Variants in HCN1 observed in about 807,000 individuals in gnomAD.
The protein encoded by HCN1 is potassium/sodium hyperpolarization-activated cyclic nucleotide-gated channel 1.
In HCN1, 13 loss-of-function variants were observed where a neutral mutation model predicts 78.9. The ratio of observed to expected loss-of-function variants is 0.16; its 90% confidence interval spans 0.11 to 0.26. The LOEUF (loss-of-function observed/expected upper bound fraction) is 0.26, where lower values mean the gene tolerates loss of function less well. Among genes scored for constraint, HCN1 ranks in the 10% least tolerant of loss-of-function variants. The pLI is 1.00. For synonymous variants in HCN1, 552 were observed against 455.5 expected, an observed-to-expected ratio of 1.21 and a Z score of -2.70; for missense variants, 810 against 1,154.3, an observed-to-expected ratio of 0.70 and a Z score of 4.32.
chr5:45,559,876 G>A (rs1386064836), intron 2 of HCN1: 1 of 152,050 alleles, frequency 6.6e-6, no homozygotes, highest in Admixed American at 6.6e-5. Context: ...CCTCATTGTT[G>A]TCTTATTTTA....
chr5:45,685,320 T>C (rs1162089603), intron 1 of HCN1, among the ~76,000 whole-genome samples: 1 of 152,204 alleles, frequency 6.6e-6, no homozygotes, highest in Non-Finnish European at 1.5e-5. Context: ...TGAATGCCAT[T>C]ATAATTTTCC....
intron 2 of HCN1, among the ~76,000 whole-genome samples, chr5:45,522,035 C>G (rs1377361529): frequency 6.6e-6 from 1 of 151,872 alleles, no homozygotes; most frequent in African/African-American, 2.4e-5. Context: ...AACTAAATGA[C>G]TTTGCAATTT....
chr5:45,495,610 T>A (rs575136722), intron 2 of HCN1, among the ~76,000 whole-genome samples: 1 of 152,340 alleles, frequency 6.6e-6, no homozygotes, highest in African/African-American at 2.4e-5. Context: ...CCTAACTGAT[T>A]GCCCTGGCCA....
chr5:45,531,053 C>CACAT (rs1312604289), intron 2 of HCN1, among the ~76,000 whole-genome samples: 1 of 150,610 alleles, frequency 6.6e-6, no homozygotes, highest in African/African-American at 2.4e-5. Context: ...AATGCTAACA[C>CACAT]ACATACACAC....
chr5:45,357,006 C>A (rs1747017528), intron 4 of HCN1, among the ~76,000 whole-genome samples: 2 of 151,970 alleles, frequency 1.3e-5, no homozygotes, highest in African/African-American at 4.8e-5. Context: ...ACATTTATTT[C>A]TTGGGTAATT....
chr5:45,414,006 C>T (rs1450020425), intron 3 of HCN1, among the ~76,000 whole-genome samples: 1 of 151,840 alleles, frequency 6.6e-6, no homozygotes, highest in African/African-American at 2.4e-5. Context: ...TAAGAAAAAA[C>T]AGTAAATACC....
intron 3 of HCN1, among the ~76,000 whole-genome samples, chr5:45,442,889 T>A (rs1455266819): frequency 6.6e-6 from 1 of 152,134 alleles, no homozygotes; most frequent in African/African-American, 2.4e-5. Context: ...TAGAGAATAT[T>A]TGGGTAACAG....
At chr5:45,353,567 AT>A (rs1217481092) in intron 4 of HCN1, among the ~76,000 whole-genome samples, 1 of 151,948 alleles carries the variant, frequency 6.6e-6, no homozygotes, top group Non-Finnish European at 1.5e-5. Context: ...ATGTTATGCT[AT>A]TTTTTTAAAT....
Position 45,270,228 on chromosome 5 carries a change from T to C in HCN1, c.1619-2975A>G, listed in dbSNP as rs1345119003. ...GCAAAAGACTTTCTTCCTATATTTCTTTCTTTTTATTGTGAAGGCAAAAGT... is the reference window on the plus strand; with the variant it reads ...GCAAAAGACTTTCTTCCTATATTTCCTTCTTTTTATTGTGAAGGCAAAAGT... On this transcript the variant is annotated intron_variant, in intron 6 of 7. Coordinates refer to ENST00000303230, the MANE Select transcript of HCN1 (RefSeq NM_021072.4). Among the ~76,000 whole-genome samples the C allele has an allele frequency of 5.3e-5, 8 of 152,354 alleles. No individual in the cohort carries two copies. The East Asian group carries it at 1.5e-3, about 29-fold the overall frequency.
chr5:45,589,018 G>A (rs1229788578), intron 2 of HCN1, among the ~76,000 whole-genome samples: 1 of 152,152 alleles, frequency 6.6e-6, no homozygotes, highest in Non-Finnish European at 1.5e-5. Context: ...TTGTGTGTAT[G>A]TAAAGACAAG....
intron 1 of HCN1, among the ~76,000 whole-genome samples, chr5:45,670,055 A>C (rs1746119986): frequency 6.6e-6 from 1 of 151,756 alleles, no homozygotes; most frequent in African/African-American, 2.4e-5. Context: ...GAAACTCTTA[A>C]TAAAAAATAA....
At position 45,647,526 on chromosome 5, in the gene HCN1, C is replaced by A. The variant is rs114792089; in HGVS notation, c.426-1918G>T. 7.0e-3 allele frequency among the ~76,000 whole-genome samples: 1,061 copies of A among 152,154 alleles called. 9 individuals are homozygous for A. Among genetic ancestry groups the A allele is most frequent in the Middle Eastern group, 0.017 (5 of 294 alleles). On this transcript the variant is annotated intron_variant, in intron 1 of 7. Transcript: ENST00000303230. The stretch of plus-strand genomic sequence containing the variant: ...CTTTCATCTTCTATTCTACGCATTG[C>A]CCTTGAGAAATATTATACACTTATC...
chr5:45,311,734 A>C (rs143021737), intron 5 of HCN1, among the ~76,000 whole-genome samples: 1 of 152,342 alleles, frequency 6.6e-6, no homozygotes, highest in East Asian at 1.9e-4. Context: ...AAGGTTTCTC[A>C]TTGAAAATGC....
chr5:45,267,697 G>A (rs1378080413), intron 6 of HCN1, among the ~76,000 whole-genome samples: 4 of 152,146 alleles, frequency 2.6e-5, no homozygotes, highest in Non-Finnish European at 4.4e-5. Flanking sequence ...GAACCTGGGA[G>A]GCAGAGGTTG....
chr5:45,312,988 T>G (rs995692848), intron 5 of HCN1, among the ~76,000 whole-genome samples: 2 of 152,140 alleles, frequency 1.3e-5, no homozygotes, highest in African/African-American at 4.8e-5. Flanking sequence ...CAGACTTAAA[T>G]GTCCCTGTCT....
chr5:45,352,850 C>G (rs1363241034), intron 5 of HCN1, among the ~76,000 whole-genome samples: 1 of 151,830 alleles, frequency 6.6e-6, no homozygotes, highest in East Asian at 1.9e-4. Context: ...AATGAGGCCA[C>G]AAGAAGGAAT....
intron 2 of HCN1, among the ~76,000 whole-genome samples, chr5:45,596,947 CTTCA>C (rs1448416302): frequency 3.3e-5 from 5 of 152,098 alleles, no homozygotes; most frequent in African/African-American, 7.2e-5. Flanking sequence ...CATTTATCTG[CTTCA>C]TTATTTGTTT....
intron 6 of HCN1, among the ~76,000 whole-genome samples, chr5:45,294,475 T>G (rs1273436685): frequency 6.6e-6 from 1 of 151,936 alleles, no homozygotes; most frequent in African/African-American, 2.4e-5. Context: ...GACAGACATT[T>G]TGAAAGAAAG....
chr5:45,481,040 T>A (rs889340665), intron 2 of HCN1, among the ~76,000 whole-genome samples: 1 of 152,204 alleles, frequency 6.6e-6, no homozygotes, highest in African/African-American at 2.4e-5. Context: ...TGGCAGAGAA[T>A]AGAACAGAAT....
Sources: allele counts gnomAD v4.1 joint callset (sites outside exome capture counted in the v4.1 genomes callset), GRCh38; gene constraint gnomAD v4.1.1; transcripts MANE v1.5; gene names NCBI Gene and HGNC (gene_info 2026-07-23, HGNC 2026-07-21).